Variants in STAG2 observed in about 807,000 individuals in gnomAD.
STAG2 encodes STAG2 cohesin complex component, also known as cohesin subunit SA-2.
Under a neutral mutation model 108.1 loss-of-function variants are expected in STAG2, and 14 were observed. The observed-to-expected ratio is 0.13, with a 90% CI of 0.09 to 0.20. The LOEUF is 0.20. Ranked by LOEUF, STAG2 falls within the 10% of genes least tolerant of loss-of-function variation. STAG2 has a pLI of 1.00. For synonymous variants in STAG2, 307 were observed against 302.7 expected, an observed-to-expected ratio of 1.01 and a Z score of -0.15; for missense variants, 440 against 940.9, an observed-to-expected ratio of 0.47 and a Z score of 6.96.
At chrX:124,052,464 G>A (rs1401335272) in intron 13 of STAG2, among the ~76,000 whole-genome samples, 5 of 112,157 alleles carry the variant, frequency 4.5e-5, no homozygotes, top group African/African-American at 9.7e-5. Flanking sequence ...ATTTCACTTG[G>A]CATAATTTCT....
intron 1 of STAG2, among the ~76,000 whole-genome samples, chrX:123,995,563 G>A (rs679222): frequency 0.51 from 55,340 of 108,464 alleles, 11,559 homozygotes; most frequent in African/African-American, 0.78. Context: ...GCATGGTGGC[G>A]GGCGCCTGTA....
intron 1 of STAG2, among the ~76,000 whole-genome samples, chrX:123,978,091 G>A (rs1297112756): frequency 2.8e-5 from 3 of 108,245 alleles, no homozygotes; most frequent in Non-Finnish European, 3.8e-5. Context: ...CCACCTGGCC[G>A]CTTTGGCCTC....
intron 14 of STAG2, among the ~76,000 whole-genome samples, chrX:124,056,558 C>G (rs1396039703): frequency 9.3e-6 from 1 of 107,080 alleles, no homozygotes; most frequent in African/African-American, 3.4e-5. Flanking sequence ...ACGGTGAAAC[C>G]CCGTCTCTAC....
At chrX:124,051,811 C>G (rs887234993) in intron 13 of STAG2, among the ~76,000 whole-genome samples, 1 of 110,990 alleles carries the variant, frequency 9.0e-6, no homozygotes, top group Non-Finnish European at 1.9e-5. Flanking sequence ...AGGATGGTCT[C>G]GATCTCCTGA....
intron 1 of STAG2, chrX:123,962,136 CT>C (rs1306982145): frequency 9.0e-6 from 1 of 111,412 alleles, no homozygotes; most frequent in African/African-American, 3.3e-5. Flanking sequence ...TCACTCCACA[CT>C]TTTATTCTTG....
At chrX:124,003,129 G>A (rs1163198212) in intron 1 of STAG2, among the ~76,000 whole-genome samples, 1 of 107,588 alleles carries the variant, frequency 9.3e-6, no homozygotes, top group African/African-American at 3.4e-5. Flanking sequence ...CACCACGCCT[G>A]GCTAATTTTT....
chrX:123,992,467 T>A (rs1018926167), intron 1 of STAG2, among the ~76,000 whole-genome samples: 1 of 110,583 alleles, frequency 9.0e-6, no homozygotes, highest in African/African-American at 3.3e-5. Flanking sequence ...CTTTGTGCAT[T>A]TGAGTCTAAG....
chrX:124,072,794 G>A (rs1462083964), intron 25 of STAG2, among the ~76,000 whole-genome samples: 1 of 109,473 alleles, frequency 9.1e-6, no homozygotes, highest in African/African-American at 3.3e-5. Context: ...TCTGCCTCCC[G>A]GGTTCAAATG....
At chrX:124,069,990 T>C (rs1012986059) in intron 24 of STAG2, among the ~76,000 whole-genome samples, 1 of 111,565 alleles carries the variant, frequency 9.0e-6, no homozygotes, top group Non-Finnish European at 1.9e-5. Flanking sequence ...ATAATCCCTA[T>C]TTTTATAGCA....
intron 1 of STAG2, among the ~76,000 whole-genome samples, chrX:124,005,200 A>G (rs901398571): frequency 9.0e-6 from 1 of 110,921 alleles, no homozygotes; most frequent in Non-Finnish European, 1.9e-5. Flanking sequence ...AATATTTTCT[A>G]TCTGTGGTTG....
chrX:124,004,990 A>G (rs1417136501), intron 1 of STAG2, among the ~76,000 whole-genome samples: 1 of 111,697 alleles, frequency 9.0e-6, no homozygotes, highest in East Asian at 2.8e-4. Flanking sequence ...TGATACCAAA[A>G]TCCATGGATG....
intron 9 of STAG2, among the ~76,000 whole-genome samples, chrX:124,048,464 T>C (rs943463891): frequency 3.6e-5 from 4 of 111,804 alleles, no homozygotes; most frequent in Non-Finnish European, 7.5e-5. Context: ...AGGCAGAATC[T>C]CACTCTGTCT....
intron 28 of STAG2, among the ~76,000 whole-genome samples, chrX:124,082,265 A>T (rs1032280657): frequency 1.8e-5 from 2 of 111,580 alleles, no homozygotes; most frequent in Non-Finnish European, 3.8e-5. Context: ...TTCCATCTGC[A>T]TATTTTGTTG....
chrX:124,072,925 A>G (rs1258005055), intron 25 of STAG2, among the ~76,000 whole-genome samples: 7 of 14,577 alleles, frequency 4.8e-4, no homozygotes, highest in East Asian at 4.4e-3. Flanking sequence ...TTTTTTTTTT[A>G]GTAGAGACGG....
intron 23 of STAG2, among the ~76,000 whole-genome samples, chrX:124,068,081 G>A (rs1375911230): frequency 1.8e-5 from 2 of 110,570 alleles, no homozygotes; most frequent in Non-Finnish European, 3.8e-5. Flanking sequence ...ATATTTTAAA[G>A]TTTATAGTAA....
At chrX:124,013,535 C>G (rs1031343923) in intron 1 of STAG2, among the ~76,000 whole-genome samples, 3 of 111,625 alleles carry the variant, frequency 2.7e-5, no homozygotes, top group African/African-American at 9.8e-5. Context: ...TAGGATAGAG[C>G]CAGATAATGT....
rs1199563101 is a variant in STAG2, at chrX:124,080,882, G to GT, written c.2776-496dup. 6.3e-5 allele frequency among the ~76,000 whole-genome samples: 7 copies of GT among 111,812 alleles called. No individual in the cohort carries two copies. The East Asian group carries it at 1.9e-3, about 31-fold the overall frequency. ...ACGCTGAGGTTTTTTTACAAGTTTT[G>GT]TTATTACAAATAGCACTAAAACTTT... On this transcript the variant is annotated intron_variant, in intron 27 of 34. Transcript: ENST00000371145.
At chrX:123,972,251 T>TG (rs1321941711) in intron 1 of STAG2, among the ~76,000 whole-genome samples, 14 of 109,235 alleles carry the variant, frequency 1.3e-4, no homozygotes, top group Non-Finnish European at 2.5e-4. Context: ...AGTTGACGTT[T>TG]GGAGGTTTTG....
intron 1 of STAG2, among the ~76,000 whole-genome samples, chrX:123,995,366 CT>C (rs1408140507): frequency 2.7e-5 from 3 of 111,944 alleles, no homozygotes; most frequent in Non-Finnish European, 3.8e-5. Context: ...GCCTGAAAGG[CT>C]ATTTATCCTA....
Sources: allele counts gnomAD v4.1 joint callset (sites outside exome capture counted in the v4.1 genomes callset), GRCh38; gene constraint gnomAD v4.1.1; transcripts MANE v1.5; gene names NCBI Gene and HGNC (gene_info 2026-07-23, HGNC 2026-07-21).